The following JAK2 variants were observed in gnomAD, a reference collection of about 807,000 sequenced individuals.
JAK2 encodes the protein tyrosine-protein kinase JAK2.
Under a neutral mutation model 139.3 loss-of-function variants are expected in JAK2, and 86 were observed. The observed-to-expected ratio is 0.62, with a 90% CI of 0.52 to 0.74. The LOEUF (loss-of-function observed/expected upper bound fraction) is 0.74. Among genes scored for constraint, JAK2 ranks in the 30% least tolerant of loss-of-function variants. JAK2 has a pLI of 0.00. For synonymous variants in JAK2, 490 were observed against 437.7 expected (o/e 1.12, Z -1.49); for missense variants, 1,421 against 1,360.3 (o/e 1.04, Z -0.70).
chr9:5,116,199 G>T (rs1014621298), intron 22 of JAK2, among the ~76,000 whole-genome samples: 2 of 152,122 alleles, frequency 1.3e-5, no homozygotes, highest in Non-Finnish European at 2.9e-5. Flanking sequence ...ATGGAGAACT[G>T]AATAGCTTAC....
intron 2 of JAK2, among the ~76,000 whole-genome samples, chr9:5,019,424 T>C (rs1383986276): frequency 6.6e-6 from 1 of 152,150 alleles, no homozygotes; most frequent in Non-Finnish European, 1.5e-5. Context: ...TTCTCATTGA[T>C]ATCCTGAGTT....
intron 22 of JAK2, among the ~76,000 whole-genome samples, chr9:5,102,112 A>G (rs996050868): frequency 2.6e-5 from 4 of 152,218 alleles, no homozygotes; most frequent in African/African-American, 9.7e-5. Flanking sequence ...GAGGATGTTC[A>G]AACCCATCGC....
Position 5,054,672 on chromosome 9 carries a change from C to T in JAK2, c.724C>T (p.Gln242Ter). The T allele has an allele frequency of 6.2e-7, 1 of 1,613,330 alleles. No individual in the cohort carries two copies. The highest frequency in any genetic ancestry group is 8.5e-7 in the Non-Finnish European group (1 of 1,179,422). ...TCGCAGATTTATTCAGCAATTCAGC[C>T]AATGCAAAGCCACTGCCAGAAACTT... is the stretch of plus-strand genomic sequence containing the variant. ...RFRRFIQQFSQCKATARNLKL... is the reference protein window; with the variant it reads ...RFRRFIQQFS Residue 242 changes from glutamine (Q) to a stop codon, truncating the protein, a stop_gained, in exon 7 of 25, where the codon CAA (glutamine) becomes TAA (stop). Transcript: ENST00000381652. LOFTEE classifies it high-confidence loss of function. The surrounding 1 kb of genome is among the most constrained non-coding windows in gnomAD (Gnocchi z 4.9).
In JAK2 at chr9:5,054,009, A is replaced by G. The variant is rs113302871; in HGVS notation, c.615-554A>G. ...ATTGTACATAGAGATGAATGTACAG[A>G]AAAGTCAGAATATTTCTAAATGGAA... On this transcript the variant is annotated intron_variant, in intron 6 of 24. Transcript: ENST00000381652. The surrounding 1 kb of genome is among the most constrained non-coding windows in gnomAD (Gnocchi z 4.9). 1.2e-3 allele frequency among the ~76,000 whole-genome samples: 180 copies of G among 152,232 alleles called. No individual in the cohort carries two copies. The highest frequency in any genetic ancestry group is 4.2e-3 in the African/African-American group (174 of 41,580).
In JAK2 at chr9:5,128,731, G is replaced by C. The variant is rs971044215; in HGVS notation, c.*1940G>C. Among the ~76,000 whole-genome samples the C allele has an allele frequency of 1.3e-5, 2 of 151,916 alleles. No individual in the cohort carries two copies. Among genetic ancestry groups the C allele is most frequent in the South Asian group, 4.2e-4 (2 of 4,806 alleles). On this transcript the variant is annotated 3_prime_UTR_variant, in exon 25 of 25. Coordinates refer to ENST00000381652, the MANE Select transcript of JAK2 (RefSeq NM_004972.4). ...TTTCCAAGAGACTTCTTTTCATTGA[G>C]GCTTCGTAAAGTTTTCCATTTTGAT...
chr9:5,114,809 T>A, intron 22 of JAK2: 1 of 278,452 alleles, frequency 3.6e-6, no homozygotes, highest in South Asian at 3.6e-5. Context: ...CCATTAAATG[T>A]CCTCCTGCCT....
intron 22 of JAK2, among the ~76,000 whole-genome samples, chr9:5,102,063 T>C (rs868216342): frequency 1.3e-5 from 2 of 152,166 alleles, no homozygotes; most frequent in African/African-American, 2.4e-5. Flanking sequence ...AGAAGTAGGC[T>C]TCAGAAGGTT....
At chr9:5,042,599 A>AGGCCCAGCCCC (rs74285178) in intron 4 of JAK2, among the ~76,000 whole-genome samples, 59,208 of 151,718 alleles carry the variant, frequency 0.39, 13,667 homozygotes, top group African/African-American at 0.65. Context: ...CCCAGGGCTG[A>AGGCCCAGCCCC]GGCCCAGCCA....
At position 5,072,533 on chromosome 9, in the gene JAK2, A is replaced by G; in HGVS notation, c.1683A>G (p.Lys561=). 1 of 1,603,172 alleles carries G rather than the reference A, an allele frequency of 6.2e-7. No individual in the cohort carries two copies. The highest frequency in any genetic ancestry group is 1.3e-5 in the African/African-American group (1 of 74,658). Residue 561 remains lysine (K), a synonymous_variant, in exon 13 of 25, where the codon AAA becomes AAG. Coordinates refer to ENST00000381652, the MANE Select transcript of JAK2 (RefSeq NM_004972.4). ...AAGGCACTTTTACAAAGATTTTTAA[A>G]GGCGTACGAAGAGAAGTAGGAGACT... ...LGQGTFTKIF[K]GVRREVGDYG...
intron 24 of JAK2, 90 bp downstream of exon 24, chr9:5,126,536 C>A: frequency 1.0e-6 from 1 of 991,602 alleles, no homozygotes; most frequent in South Asian, 1.5e-5. Flanking sequence ...ATTTAATGTG[C>A]GGAGCTTCCA....
chr9:5,078,145 G>A (rs1200951521), intron 15 of JAK2, among the ~76,000 whole-genome samples, 161 bp from the exon 16 acceptor site: 1 of 152,152 alleles, frequency 6.6e-6, no homozygotes, highest in South Asian at 2.1e-4. Flanking sequence ...AAAACAGGAA[G>A]CATAGGAGTC....
chr9:5,020,710 C>T (rs912602333), intron 2 of JAK2, among the ~76,000 whole-genome samples: 2 of 152,178 alleles, frequency 1.3e-5, no homozygotes, highest in Non-Finnish European at 2.9e-5. Flanking sequence ...CCTCAGGGCA[C>T]ATACCAATAT....
chr9:5,080,420 G>C, intron 17 of JAK2, 40 bp downstream of exon 17: 1 of 1,556,752 alleles, frequency 6.4e-7, no homozygotes. Flanking sequence ...CTCTATCTCT[G>C]AACTTTCATA....
intron 4 of JAK2, chr9:5,041,985 T>C (rs973306619): frequency 1.4e-5 from 5 of 364,212 alleles, no homozygotes; most frequent in South Asian, 1.1e-4. Flanking sequence ...CGAGCTTGTG[T>C]GAGGGCCTTG....
intron 9 of JAK2, among the ~76,000 whole-genome samples, 184 bp downstream of exon 9, chr9:5,065,224 TG>T (rs1234340275): frequency 6.6e-6 from 1 of 152,244 alleles, no homozygotes; most frequent in Non-Finnish European, 1.5e-5. Flanking sequence ...ATTTACCATC[TG>T]TATCCCAATC....
chr9:5,103,075 C>A (rs1302423825), intron 22 of JAK2, among the ~76,000 whole-genome samples: 1 of 151,478 alleles, frequency 6.6e-6, no homozygotes, highest in East Asian at 1.9e-4. Context: ...GGGATGAATG[C>A]CCCAATTAAA....
intron 4 of JAK2, among the ~76,000 whole-genome samples, chr9:5,042,124 C>CTTT (rs71326152): frequency 1.4e-3 from 150 of 107,596 alleles, no homozygotes; most frequent in African/African-American, 1.8e-3. Flanking sequence ...GCCAAAATTT[C>CTTT]TTTTTTTTTT....
At chr9:4,988,886 C>T (rs538967700) in intron 2 of JAK2, among the ~76,000 whole-genome samples, 2 of 152,222 alleles carry the variant, frequency 1.3e-5, no homozygotes, top group South Asian at 4.2e-4. Flanking sequence ...TTTCATTTAC[C>T]TCTTATTCCC....
chr9:5,008,157 A>G (rs1485982527), intron 2 of JAK2, among the ~76,000 whole-genome samples: 2 of 152,224 alleles, frequency 1.3e-5, no homozygotes, highest in South Asian at 4.1e-4. Context: ...TAAGAATTAT[A>G]TAAATTTTTT....
Sources: allele counts gnomAD v4.1 joint callset (sites outside exome capture counted in the v4.1 genomes callset), GRCh38; gene constraint gnomAD v4.1.1; non-coding constraint Gnocchi (gnomAD v3.1); transcripts MANE v1.5; gene names NCBI Gene and HGNC (gene_info 2026-07-23, HGNC 2026-07-21).